The following SLC25A21 variants were observed in gnomAD, a reference collection of about 807,000 sequenced individuals.
The protein encoded by SLC25A21 is solute carrier family 25 member 21.
Under a neutral mutation model 43.8 loss-of-function variants are expected in SLC25A21, and 47 were observed. The ratio of observed to expected loss-of-function variants is 1.07; its 90% CI spans 0.85 to 1.37. The LOEUF is 1.37. Ranked by LOEUF, SLC25A21 falls within the 40% of genes most tolerant of loss-of-function variation. The pLI, the probability that SLC25A21 is intolerant of heterozygous loss-of-function variation, is 0.00. For synonymous variants in SLC25A21, 131 were observed against 121.3 expected (o/e 1.08, Z -0.52); for missense variants, 352 against 350.2 (o/e 1.00, Z -0.04).
intron 1 of SLC25A21, among the ~76,000 whole-genome samples, chr14:37,125,270 TAAATATTATGGAGTCACATATAGA>T (rs1469858867): frequency 1.3e-5 from 2 of 152,158 alleles, no homozygotes; most frequent in African/African-American, 4.8e-5. Context: ...TGCAAATGAG[TAAATATTATGGAGTCACATATAGA>T]ATGGAGTGAT....
At chr14:37,015,580 T>C (rs1960835660) in intron 1 of SLC25A21, among the ~76,000 whole-genome samples, 1 of 151,570 alleles carries the variant, frequency 6.6e-6, no homozygotes, top group East Asian at 1.9e-4. Flanking sequence ...CTGGGTCAAA[T>C]GGTATTTCTA....
intron 1 of SLC25A21, among the ~76,000 whole-genome samples, chr14:36,897,940 C>A (rs1283545478): frequency 2.0e-5 from 3 of 152,178 alleles, no homozygotes; most frequent in Non-Finnish European, 1.5e-5. Flanking sequence ...GTCGGTCTGA[C>A]CCTACTGGGG....
intron 1 of SLC25A21, among the ~76,000 whole-genome samples, chr14:36,886,520 T>G (rs1890917441): frequency 1.3e-5 from 2 of 152,224 alleles, no homozygotes; most frequent in African/African-American, 4.8e-5. Flanking sequence ...CTCCCTATTC[T>G]CATAGAGTTT....
chr14:37,123,051 G>T (rs183444578), intron 1 of SLC25A21, among the ~76,000 whole-genome samples: 98 of 152,270 alleles, frequency 6.4e-4, no homozygotes, highest in African/African-American at 2.0e-3. Flanking sequence ...TCACAGATAA[G>T]CGGAAATTAC....
chr14:36,808,288 C>A (rs1481347816), intron 3 of SLC25A21, among the ~76,000 whole-genome samples: 1 of 152,142 alleles, frequency 6.6e-6, no homozygotes, highest in Non-Finnish European at 1.5e-5. Context: ...AATCGACTGA[C>A]TGAAAACCAT....
chr14:37,157,544 A>C (rs1378107617), intron 1 of SLC25A21, among the ~76,000 whole-genome samples: 3 of 152,182 alleles, frequency 2.0e-5, no homozygotes, highest in Non-Finnish European at 4.4e-5. Context: ...GAAGCAAATG[A>C]AAATGGAAAC....
intron 7 of SLC25A21, among the ~76,000 whole-genome samples, chr14:36,695,750 T>C (rs1594496071): frequency 6.6e-6 from 1 of 152,236 alleles, no homozygotes; most frequent in African/African-American, 2.4e-5. Flanking sequence ...TTTTTGCACA[T>C]TGATTTTGTA....
At chr14:36,991,754 C>G (rs1960268582) in intron 1 of SLC25A21, among the ~76,000 whole-genome samples, 1 of 152,192 alleles carries the variant, frequency 6.6e-6, no homozygotes, top group African/African-American at 2.4e-5. Context: ...AATTAACAGT[C>G]TCTTCAACAG....
At chr14:36,857,236 C>T (rs1027092878) in intron 2 of SLC25A21, among the ~76,000 whole-genome samples, 2 of 152,188 alleles carry the variant, frequency 1.3e-5, no homozygotes, top group Non-Finnish European at 2.9e-5. Flanking sequence ...TGGGAAGACC[C>T]CTCTGGAGGG....
intron 1 of SLC25A21, among the ~76,000 whole-genome samples, chr14:37,137,700 T>C (rs928723552): frequency 2.6e-5 from 4 of 152,220 alleles, no homozygotes; most frequent in Non-Finnish European, 4.4e-5. Flanking sequence ...CCATCAATAC[T>C]ATGTAGTCGG....
intron 1 of SLC25A21, among the ~76,000 whole-genome samples, chr14:36,979,309 C>T (rs1019311201): frequency 3.4e-5 from 5 of 147,614 alleles, no homozygotes; most frequent in East Asian, 3.9e-4. Flanking sequence ...ATCAAAATAA[C>T]CAATTAAGGT....
At chr14:37,149,471 C>T (rs1325397807) in intron 1 of SLC25A21, among the ~76,000 whole-genome samples, 1 of 152,090 alleles carries the variant, frequency 6.6e-6, no homozygotes, top group Admixed American at 6.6e-5. Context: ...CCGCTAGGGC[C>T]GGCCACGGTG....
chr14:37,060,151 A>C (rs1182734454), intron 1 of SLC25A21, among the ~76,000 whole-genome samples: 3 of 151,788 alleles, frequency 2.0e-5, no homozygotes, highest in African/African-American at 7.3e-5. Context: ...TAATTTAGGT[A>C]ATGCAGGGTC....
chr14:36,885,082 TGTTACA>T (rs1429036719), intron 1 of SLC25A21, among the ~76,000 whole-genome samples: 2 of 152,194 alleles, frequency 1.3e-5, no homozygotes, highest in Admixed American at 6.6e-5. Flanking sequence ...CTTCTAGTAA[TGTTACA>T]GTTTCAGCTC....
At chr14:36,721,080 G>A (rs756054433) in intron 6 of SLC25A21, among the ~76,000 whole-genome samples, 2 of 152,150 alleles carry the variant, frequency 1.3e-5, no homozygotes, top group Non-Finnish European at 2.9e-5. Flanking sequence ...TTAAACTTAC[G>A]CATTTGTAAG....
intron 1 of SLC25A21, among the ~76,000 whole-genome samples, chr14:37,061,892 C>T (rs1961955805): frequency 6.6e-6 from 1 of 152,192 alleles, no homozygotes; most frequent in African/African-American, 2.4e-5. Context: ...GGCAACATTT[C>T]AGGTTCTTGA....
chr14:36,708,495 T>G lies in SLC25A21; in HGVS notation c.603+2823A>C, dbSNP rs374626542. On this transcript the variant is annotated intron_variant, in intron 7 of 9. Coordinates refer to ENST00000331299, the MANE Select transcript of SLC25A21 (RefSeq NM_030631.4). Reference sequence around the variant, plus strand: ...CCCTGTCATGCAGGCTGGAGTGCAGTGCCATGGTCATGGTTCACTGCAGTC... The same window carrying G: ...CCCTGTCATGCAGGCTGGAGTGCAGGGCCATGGTCATGGTTCACTGCAGTC... 5.3e-5 allele frequency among the ~76,000 whole-genome samples: 8 copies of G among 152,340 alleles called. 1 individual carries two copies. In the South Asian group the frequency reaches 8.3e-4, roughly 16 times the overall value.
At chr14:36,769,609 C>A (rs2138353723) in intron 3 of SLC25A21, among the ~76,000 whole-genome samples, 1 of 152,262 alleles carries the variant, frequency 6.6e-6, no homozygotes, top group South Asian at 2.1e-4. Context: ...GGCAATTTAT[C>A]TTTGCGTGGT....
At chr14:36,888,309 T>C (rs1197522460) in intron 1 of SLC25A21, among the ~76,000 whole-genome samples, 1 of 152,178 alleles carries the variant, frequency 6.6e-6, no homozygotes, top group Non-Finnish European at 1.5e-5. Context: ...TCTCTGTTCA[T>C]CACAATTTAA....
Sources: gnomAD v4.1 joint callset for allele counts (sites outside exome capture counted in the v4.1 genomes callset) on GRCh38, gnomAD v4.1.1 for gene constraint, MANE v1.5 for transcripts, NCBI Gene and HGNC (gene_info 2026-07-23, HGNC 2026-07-21) for gene names.